The following IL1RAPL1 variants were observed in gnomAD, a reference collection of about 807,000 sequenced individuals.
IL1RAPL1 encodes interleukin-1 receptor accessory protein-like 1.
IL1RAPL1 carries 3 observed loss-of-function variants against 48.4 expected under a neutral mutation model. That is an observed-to-expected ratio of 0.06 (90% confidence interval 0.03 to 0.16). The LOEUF (loss-of-function observed/expected upper bound fraction) is 0.16, where lower values mean the gene tolerates loss of function less well. IL1RAPL1 is among the 10% of genes least tolerant of loss of function. The pLI, the probability that IL1RAPL1 is intolerant of heterozygous loss-of-function variation, is 1.00. For missense variants in IL1RAPL1, 349 were observed against 530.6 expected (o/e 0.66, Z 3.36); for synonymous variants, 185 against 187.7 (o/e 0.99, Z 0.12).
chrX:29,528,573 A>G (rs952509527), intron 5 of IL1RAPL1, among the ~76,000 whole-genome samples: 2 of 112,139 alleles, frequency 1.8e-5, no homozygotes, highest in Non-Finnish European at 3.8e-5. Flanking sequence ...AAGTCTGGGT[A>G]TGACATAACT....
rs181679663 is a variant in IL1RAPL1 at position 29,620,889 on chromosome X, A to G, written c.704-47541A>G. ...TAAATACTTTAATATGGCTTTTGCC[A>G]TAGCTGGGTCATTGCTATAAGTTAA... is the stretch of plus-strand genomic sequence containing the variant. On this transcript the variant is annotated intron_variant, in intron 5 of 10. Transcript: ENST00000378993. Among the ~76,000 whole-genome samples, 296 of 112,643 alleles carry G rather than the reference A, an allele frequency of 2.6e-3. 1 individual carries two copies. Among genetic ancestry groups the G allele is most frequent in the Non-Finnish European group, 4.2e-3 (224 of 53,210 alleles).
At chrX:28,928,926 CTGTACTGTTTTTTGTTTCAAG>C (rs1163407189) in intron 2 of IL1RAPL1, among the ~76,000 whole-genome samples, 3 of 112,195 alleles carry the variant, frequency 2.7e-5, no homozygotes, top group Non-Finnish European at 5.6e-5. Context: ...TCAAAACAAA[CTGTACTGTTTTTTGTTTCAAG>C]TATCAGGCGA....
chrX:28,843,342 G>A (rs1294184717), intron 2 of IL1RAPL1, among the ~76,000 whole-genome samples: 1 of 110,056 alleles, frequency 9.1e-6, no homozygotes. Flanking sequence ...ATACCATAAA[G>A]AAAAAATGTG....
intron 5 of IL1RAPL1, among the ~76,000 whole-genome samples, chrX:29,639,580 C>T (rs1432481152): frequency 1.1e-5 from 1 of 93,331 alleles, no homozygotes; most frequent in Non-Finnish European, 2.1e-5. Context: ...AGCCTGAATA[C>T]ACAATCTGTG....
intron 2 of IL1RAPL1, among the ~76,000 whole-genome samples, chrX:28,916,421 T>A (rs1923491199): frequency 1.8e-5 from 2 of 111,928 alleles, no homozygotes; most frequent in Non-Finnish European, 3.8e-5. Context: ...TTCATTTGGG[T>A]TTAACATATT....
At chrX:28,690,628 T>C (rs1483133952) in intron 1 of IL1RAPL1, among the ~76,000 whole-genome samples, 1 of 111,384 alleles carries the variant, frequency 9.0e-6, no homozygotes, top group Non-Finnish European at 1.9e-5. Flanking sequence ...TACCTGCTTT[T>C]GAATGTTTCA....
intron 5 of IL1RAPL1, among the ~76,000 whole-genome samples, chrX:29,587,678 T>C (rs1432005665): frequency 8.9e-6 from 1 of 111,888 alleles, no homozygotes; most frequent in Non-Finnish European, 1.9e-5. Flanking sequence ...TAAATAACTA[T>C]TTATAGAAAA....
intron 3 of IL1RAPL1, among the ~76,000 whole-genome samples, chrX:29,382,086 T>C (rs1933718936): frequency 1.8e-5 from 2 of 109,622 alleles, no homozygotes; most frequent in Admixed American, 2.0e-4. Flanking sequence ...CAGAAGGGTT[T>C]TGAGAGTGGG....
At chrX:29,058,779 A>G (rs1927280362) in intron 2 of IL1RAPL1, among the ~76,000 whole-genome samples, 1 of 111,643 alleles carries the variant, frequency 9.0e-6, no homozygotes, top group African/African-American at 3.3e-5. Context: ...GCAGTTCCAT[A>G]TGTCTCCTAC....
intron 5 of IL1RAPL1, among the ~76,000 whole-genome samples, chrX:29,508,886 G>A (rs1000057715): frequency 9.0e-5 from 10 of 111,668 alleles, no homozygotes; most frequent in African/African-American, 3.3e-4. Context: ...TTTTTTATAT[G>A]GAGAAGTCAA....
At chrX:28,806,311 T>C (rs768624488) in intron 2 of IL1RAPL1, among the ~76,000 whole-genome samples, 2 of 111,911 alleles carry the variant, frequency 1.8e-5, no homozygotes, top group Non-Finnish European at 3.8e-5. Context: ...TACTGGAAAG[T>C]GAATCTTGAG....
intron 6 of IL1RAPL1, among the ~76,000 whole-genome samples, chrX:29,771,810 T>C (rs182182130): frequency 9.0e-6 from 1 of 111,672 alleles, no homozygotes; most frequent in East Asian, 2.8e-4. Context: ...TACCCAAGAC[T>C]GGGTAATTTA....
rs1428370235 is a variant in IL1RAPL1 at position 28,783,091 on chromosome X, A to G, written c.-24-6229A>G. The stretch of plus-strand genomic sequence containing the variant: ...CCTTTCCTTACCAGATTCCTGTACA[A>G]CTTTTCAGCTTCACCTGGTGCCACC... On this transcript the variant is annotated intron_variant, in intron 1 of 10. Transcript: ENST00000378993. Among the ~76,000 whole-genome samples the G allele has an allele frequency of 2.7e-5, 3 of 111,331 alleles. No homozygotes were observed. In the East Asian group the frequency reaches 8.5e-4, roughly 31 times the overall value.
chrX:29,505,574 C>T (rs1343590910), intron 5 of IL1RAPL1, among the ~76,000 whole-genome samples: 1 of 110,546 alleles, frequency 9.0e-6, no homozygotes, highest in African/African-American at 3.3e-5. Flanking sequence ...TGTCATCCCA[C>T]CCCTTCCTGT....
intron 5 of IL1RAPL1, among the ~76,000 whole-genome samples, chrX:29,447,816 T>C (rs1232800248): frequency 8.9e-6 from 1 of 112,387 alleles, no homozygotes; most frequent in East Asian, 2.8e-4. Flanking sequence ...GAATGAATAC[T>C]AAGAGCAAAA....
chrX:29,458,730 T>G lies in IL1RAPL1; in HGVS notation c.703+59422T>G, dbSNP rs182867827. On this transcript the variant is annotated intron_variant, in intron 5 of 10. Coordinates refer to ENST00000378993, the MANE Select transcript of IL1RAPL1 (RefSeq NM_014271.4). ...AGAGATCAGAGAACGTTTTTGTTTT[T>G]TTTTTTTGAGACAGGGTGTCGCTGT... 1.8e-3 allele frequency among the ~76,000 whole-genome samples: 200 copies of G among 110,271 alleles called. 4 individuals carry two copies. Among genetic ancestry groups the G allele is most frequent in the Admixed American group, 0.018 (182 of 10,284 alleles).
chrX:29,019,105 G>C (rs1051018361), intron 2 of IL1RAPL1, among the ~76,000 whole-genome samples: 7 of 111,074 alleles, frequency 6.3e-5, no homozygotes, highest in Non-Finnish European at 9.4e-5. Flanking sequence ...CAGATCTCGT[G>C]ACACCTAACT....
intron 1 of IL1RAPL1, among the ~76,000 whole-genome samples, chrX:28,644,229 T>C (rs1291397567): frequency 9.0e-6 from 1 of 111,457 alleles, no homozygotes; most frequent in African/African-American, 3.3e-5. Context: ...AGCTCTTACA[T>C]TTTTGTCATT....
At chrX:29,741,675 C>G (rs1042194074) in intron 6 of IL1RAPL1, among the ~76,000 whole-genome samples, 5 of 109,562 alleles carry the variant, frequency 4.6e-5, no homozygotes, top group Non-Finnish European at 9.5e-5. Flanking sequence ...AATCCCAGCA[C>G]TTTGGGAGGT....
Sources: allele counts gnomAD v4.1 joint callset (sites outside exome capture counted in the v4.1 genomes callset), GRCh38; gene constraint gnomAD v4.1.1; transcripts MANE v1.5; gene names NCBI Gene and HGNC (gene_info 2026-07-23, HGNC 2026-07-21).